ITGA9: variants seen among roughly 807,000 people sequenced by gnomAD.
ITGA9 encodes the protein integrin subunit alpha 9, also known as integrin alpha-9.
Under a neutral mutation model 127.8 loss-of-function variants are expected in ITGA9, and 56 were observed. The ratio of observed to expected loss-of-function variants is 0.44; its 90% confidence interval spans 0.35 to 0.55. ITGA9 has a LOEUF of 0.55. Ranked by LOEUF, ITGA9 falls within the 20% of genes least tolerant of loss-of-function variation. The pLI is 0.00. For synonymous variants in ITGA9, 508 were observed against 514.5 expected, an observed-to-expected ratio of 0.99 and a Z score of 0.17; for missense variants, 1,196 against 1,347.1, an observed-to-expected ratio of 0.89 and a Z score of 1.76.
At chr3:37,704,388 C>G (rs1312784555) in intron 18 of ITGA9, among the ~76,000 whole-genome samples, 3 of 152,190 alleles carry the variant, frequency 2.0e-5, no homozygotes, top group African/African-American at 7.2e-5. Flanking sequence ...GTTTTCCTCT[C>G]TGGAATTAAT....
chr3:37,537,341 C>CA (rs397816799), intron 14 of ITGA9, among the ~76,000 whole-genome samples: 1 of 28,946 alleles, frequency 3.5e-5, no homozygotes, highest in Non-Finnish European at 8.1e-5. Context: ...CCTTTGCCCT[C>CA]TCCAGCCTTG....
At chr3:37,589,403 A>G (rs1699791929) in intron 15 of ITGA9, among the ~76,000 whole-genome samples, 1 of 152,216 alleles carries the variant, frequency 6.6e-6, no homozygotes, top group African/African-American at 2.4e-5. Context: ...GCCATAGTGG[A>G]GCTAACATCC....
chr3:37,815,742 C>T (rs1349704105), intron 27 of ITGA9, among the ~76,000 whole-genome samples: 1 of 152,134 alleles, frequency 6.6e-6, no homozygotes, highest in African/African-American at 2.4e-5. Context: ...TACCAGTTAA[C>T]TTATGCTACT....
chr3:37,699,092 C>G (rs2125671706), intron 18 of ITGA9, among the ~76,000 whole-genome samples: 1 of 152,286 alleles, frequency 6.6e-6, no homozygotes, highest in Non-Finnish European at 1.5e-5. Flanking sequence ...TTGGGGTCTC[C>G]TTATCTTGCC....
intron 18 of ITGA9, among the ~76,000 whole-genome samples, chr3:37,730,413 C>T (rs1575211685): frequency 1.3e-5 from 2 of 151,938 alleles, no homozygotes; most frequent in East Asian, 3.9e-4. Flanking sequence ...GAAAGGCCAT[C>T]TATGGTGAAT....
At chr3:37,503,749 T>C (rs1698813219) in intron 6 of ITGA9, among the ~76,000 whole-genome samples, 1 of 152,214 alleles carries the variant, frequency 6.6e-6, no homozygotes, top group Non-Finnish European at 1.5e-5. Flanking sequence ...AACCTAATGC[T>C]GAAGGTTAAT....
chr3:37,604,117 A>G (rs189305581), intron 15 of ITGA9, among the ~76,000 whole-genome samples: 1 of 152,292 alleles, frequency 6.6e-6, no homozygotes, highest in Admixed American at 6.5e-5. Flanking sequence ...GGTTCCTCCA[A>G]CCCCTGCTCC....
At chr3:37,529,543 G>T (rs1188113533) in intron 13 of ITGA9, among the ~76,000 whole-genome samples, 2 of 152,204 alleles carry the variant, frequency 1.3e-5, no homozygotes, top group Admixed American at 6.5e-5. Context: ...GGAGCAAATG[G>T]GACCAGCAGG....
At chr3:37,650,830 G>T (rs1228180138) in intron 16 of ITGA9, among the ~76,000 whole-genome samples, 2 of 152,094 alleles carry the variant, frequency 1.3e-5, no homozygotes, top group African/African-American at 4.8e-5. Context: ...AAATAGTGAT[G>T]CACAGTGCCT....
intron 4 of ITGA9, among the ~76,000 whole-genome samples, chr3:37,488,258 A>G (rs1261257878): frequency 6.6e-6 from 1 of 152,052 alleles, no homozygotes; most frequent in African/African-American, 2.4e-5. Flanking sequence ...TGGTCCCAAA[A>G]TTGAATTCTG....
At chr3:37,600,933 G>T (rs1248291160) in intron 15 of ITGA9, among the ~76,000 whole-genome samples, 1 of 152,208 alleles carries the variant, frequency 6.6e-6, no homozygotes, top group Non-Finnish European at 1.5e-5. Context: ...CAATTACTGG[G>T]TGAAAAGAGT....
chr3:37,576,031 A>G (rs975696006), intron 15 of ITGA9, among the ~76,000 whole-genome samples: 2 of 152,230 alleles, frequency 1.3e-5, no homozygotes, highest in African/African-American at 4.8e-5. Context: ...GGGCTCGGCC[A>G]TAACCCCGGG....
At chr3:37,568,686 A>G (rs1039565980) in intron 15 of ITGA9, among the ~76,000 whole-genome samples, 1 of 152,244 alleles carries the variant, frequency 6.6e-6, no homozygotes, top group Non-Finnish European at 1.5e-5. Context: ...GAGCAGGGGC[A>G]AAATGCCACC....
intron 18 of ITGA9, among the ~76,000 whole-genome samples, chr3:37,730,574 A>G (rs760324511): frequency 5.3e-5 from 8 of 152,164 alleles, no homozygotes; most frequent in Non-Finnish European, 4.4e-5. Context: ...CTCTGCTGGG[A>G]GGTCCCCACC....
chr3:37,811,125 C>T (rs1697363954), intron 27 of ITGA9, among the ~76,000 whole-genome samples: 1 of 152,220 alleles, frequency 6.6e-6, no homozygotes, highest in Non-Finnish European at 1.5e-5. Flanking sequence ...AATCAGCTTT[C>T]CCAAAGCTGA....
At chr3:37,458,534 C>T (rs928176550) in intron 1 of ITGA9, among the ~76,000 whole-genome samples, 2 of 152,216 alleles carry the variant, frequency 1.3e-5, no homozygotes, top group Non-Finnish European at 2.9e-5. Flanking sequence ...ACAGCCTCAG[C>T]TGGAATCCTG....
intron 17 of ITGA9, among the ~76,000 whole-genome samples, chr3:37,677,201 C>T (rs1274361199): frequency 2.6e-5 from 4 of 152,250 alleles, no homozygotes; most frequent in Middle Eastern, 3.4e-3. Flanking sequence ...TAATTAACAC[C>T]GTCTCTTAAT....
At chr3:37,491,220 G>T (rs1353784402) in intron 4 of ITGA9, among the ~76,000 whole-genome samples, 1 of 152,058 alleles carries the variant, frequency 6.6e-6, no homozygotes, top group Non-Finnish European at 1.5e-5. Context: ...CAAGTGATCT[G>T]CCTGCCTCGG....
At chr3:37,724,183 T>C (rs1701222211) in intron 18 of ITGA9, among the ~76,000 whole-genome samples, 1 of 152,134 alleles carries the variant, frequency 6.6e-6, no homozygotes, top group Non-Finnish European at 1.5e-5. Flanking sequence ...CTCTTGGTGC[T>C]ACCCTATACT....
Sources: allele counts gnomAD v4.1 joint callset (sites outside exome capture counted in the v4.1 genomes callset), GRCh38; gene constraint gnomAD v4.1.1; transcripts MANE v1.5; gene names NCBI Gene and HGNC (gene_info 2026-07-23, HGNC 2026-07-21).